RBFOX1: variants seen among roughly 807,000 people sequenced by gnomAD.
The protein encoded by RBFOX1 is RNA binding fox-1 homolog 1.
A neutral mutation model predicts 57.7 loss-of-function variants in RBFOX1; 8 were observed. That is an observed-to-expected ratio of 0.14 (90% CI 0.08 to 0.25). The LOEUF is 0.25. Among genes scored for constraint, RBFOX1 ranks in the 10% least tolerant of loss-of-function variants. The pLI, the probability that RBFOX1 is intolerant of heterozygous loss-of-function variation, is 1.00. For missense variants in RBFOX1, 611 were observed against 548.5 expected (o/e 1.11, Z -1.14); for synonymous variants, 326 against 222.4 (o/e 1.47, Z -4.15).
chr16:7,103,132 C>G (rs921474356), intron 4 of RBFOX1, among the ~76,000 whole-genome samples: 8 of 151,526 alleles, frequency 5.3e-5, no homozygotes, highest in African/African-American at 1.9e-4. Flanking sequence ...AGCTGTCGGA[C>G]CAAAGTATTA....
intron 4 of RBFOX1, among the ~76,000 whole-genome samples, chr16:7,176,223 AATT>A (rs1393447419): frequency 6.6e-6 from 1 of 150,378 alleles, no homozygotes; most frequent in African/African-American, 2.5e-5. Context: ...GATTAATAAT[AATT>A]CTTGGTTCTT....
intron 3 of RBFOX1, among the ~76,000 whole-genome samples, chr16:6,903,120 T>C (rs1299127513): frequency 6.6e-6 from 1 of 152,206 alleles, no homozygotes; most frequent in Non-Finnish European, 1.5e-5. Context: ...GACGCGATTC[T>C]GAAGCCATCA....
At position 6,229,122 on chromosome 16, in the gene RBFOX1, G is replaced by T. The variant is rs370492584; in HGVS notation, c.-126-87873G>T. Among the ~76,000 whole-genome samples the T allele has an allele frequency of 4.6e-5, 7 of 152,166 alleles. 1 individual carries two copies. Among genetic ancestry groups the T allele is most frequent in the African/African-American group, 1.7e-4 (7 of 41,522 alleles). ...GTTGTGCAGCAGTGTCATCCTCTGAGACGTAGTTAAGATAAATGACATCTC... is the reference window on the plus strand; with the variant it reads ...GTTGTGCAGCAGTGTCATCCTCTGATACGTAGTTAAGATAAATGACATCTC... On this transcript the variant is annotated intron_variant, in intron 1 of 15. Coordinates refer to ENST00000550418, the MANE Select transcript of RBFOX1 (RefSeq NM_018723.4).
At chr16:7,048,337 G>A (rs143280986) in intron 3 of RBFOX1, among the ~76,000 whole-genome samples, 1,932 of 152,144 alleles carry the variant, frequency 0.013, 42 homozygotes, top group African/African-American at 0.044. Context: ...TTGGCTCACT[G>A]CAACCTCTGC....
intron 1 of RBFOX1, among the ~76,000 whole-genome samples, chr16:5,400,315 A>G (rs1024936457): frequency 2.7e-5 from 4 of 149,542 alleles, no homozygotes; most frequent in African/African-American, 9.9e-5. Context: ...CTGGTCTGCA[A>G]CTCCTGACCT....
At chr16:6,119,232 T>C (rs1038842403) in intron 1 of RBFOX1, among the ~76,000 whole-genome samples, 2 of 151,990 alleles carry the variant, frequency 1.3e-5, no homozygotes, top group African/African-American at 4.8e-5. Context: ...TGTTATTAAT[T>C]ATTAATATTA....
rs12596596 is a variant in RBFOX1 at position 6,917,062 on chromosome 16, G to A, written c.-15-134995G>A. 6.9e-4 allele frequency among the ~76,000 whole-genome samples: 105 copies of A among 152,254 alleles called. No individual in the cohort carries two copies. The East Asian group carries it at 0.019, about 28-fold the overall frequency. ...TGGGTTTCACCATGTTGTTGGACAG[G>A]CTAGTCCTGAACTCATGATCTGAGG... is the stretch of plus-strand genomic sequence containing the variant. On this transcript the variant is annotated intron_variant, in intron 3 of 15. Transcript: ENST00000550418.
rs142626159 is a variant in RBFOX1, at chr16:6,469,541, G to A, written c.-64+152484G>A. Among the ~76,000 whole-genome samples, 882 of 152,270 alleles carry A rather than the reference G, an allele frequency of 5.8e-3. 7 individuals carry two copies. Among genetic ancestry groups the A allele is most frequent in the Admixed American group, 0.022 (338 of 15,298 alleles). ...AAACAAGACAAATACGGGGTGAGAC[G>A]AGATGCAAATGCTCGGAGGTATCTC... On this transcript the variant is annotated intron_variant, in intron 2 of 15. Coordinates refer to ENST00000550418, the MANE Select transcript of RBFOX1 (RefSeq NM_018723.4).
chr16:5,452,318 C>G (rs1046801619), intron 1 of RBFOX1, among the ~76,000 whole-genome samples: 1 of 151,738 alleles, frequency 6.6e-6, no homozygotes, highest in African/African-American at 2.4e-5. Context: ...AAGGTTTTCT[C>G]TGCTGGTTTC....
In RBFOX1 at chr16:6,409,460, G is replaced by A. The variant is rs552816494; in HGVS notation, c.-64+92403G>A. ...AAACTTTACCAAACACTTTGAAACT[G>A]GAAAACCTTAAAGTTGTTTTCCATT... is the stretch of plus-strand genomic sequence containing the variant. On this transcript the variant is annotated intron_variant, in intron 2 of 15. Transcript: ENST00000550418. Among the ~76,000 whole-genome samples, 17 of 152,154 alleles carry A rather than the reference G, an allele frequency of 1.1e-4. No individual in the cohort carries two copies. In the East Asian group the frequency reaches 3.1e-3, roughly 28 times the overall value.
intron 3 of RBFOX1, among the ~76,000 whole-genome samples, chr16:5,767,121 C>T (rs1743779737): frequency 6.6e-6 from 1 of 152,222 alleles, no homozygotes; most frequent in Admixed American, 6.5e-5. Context: ...GTGTTCCCTC[C>T]AGAGCCCCTA....
chr16:6,048,617 A>G (rs1461793332), intron 1 of RBFOX1, among the ~76,000 whole-genome samples: 2 of 152,158 alleles, frequency 1.3e-5, no homozygotes, highest in Non-Finnish European at 2.9e-5. Flanking sequence ...AGAAAATTTT[A>G]TTTCCAGCAA....
intron 4 of RBFOX1, among the ~76,000 whole-genome samples, chr16:7,124,882 A>G (rs2068096007): frequency 6.6e-6 from 1 of 152,054 alleles, no homozygotes; most frequent in Non-Finnish European, 1.5e-5. Context: ...ACAAATAAAT[A>G]TTTCACCAGC....
rs1250820864 is a variant in RBFOX1 at position 7,067,560 on chromosome 16, G to A, written c.27+15462G>A. Among the ~76,000 whole-genome samples, 4 of 150,836 alleles carry A rather than the reference G, an allele frequency of 2.7e-5. No homozygotes were observed. The East Asian group carries it at 7.9e-4, about 30-fold the overall frequency. On this transcript the variant is annotated intron_variant, in intron 4 of 15. Transcript: ENST00000550418. ...CTTTTTTTATTTTATTATATTTTAA[G>A]TTTTAGGGTACATGTGCACAATGTT...
intron 1 of RBFOX1, among the ~76,000 whole-genome samples, chr16:6,240,532 A>G (rs1024855908): frequency 1.3e-5 from 2 of 151,796 alleles, no homozygotes; most frequent in East Asian, 1.9e-4. Context: ...CTTTGGCACA[A>G]TTTTCAAACT....
At chr16:5,301,710 C>T (rs1485816985) in intron 1 of RBFOX1, among the ~76,000 whole-genome samples, 1 of 151,760 alleles carries the variant, frequency 6.6e-6, no homozygotes, top group African/African-American at 2.4e-5. Flanking sequence ...AGATAACTGC[C>T]ACCCTGGCTG....
At chr16:6,867,232 A>G (rs566348317) in intron 3 of RBFOX1, among the ~76,000 whole-genome samples, 4 of 152,248 alleles carry the variant, frequency 2.6e-5, no homozygotes, top group Non-Finnish European at 4.4e-5. Context: ...AGGGGAAAAA[A>G]AAATACTTTT....
chr16:7,429,450 C>G (rs1192449907), intron 4 of RBFOX1, among the ~76,000 whole-genome samples: 7 of 152,248 alleles, frequency 4.6e-5, no homozygotes, highest in Admixed American at 1.3e-4. Context: ...TTTATTCTCT[C>G]TGCCAGCACA....
At chr16:6,165,315 T>C (rs2096909293) in intron 1 of RBFOX1, among the ~76,000 whole-genome samples, 1 of 152,184 alleles carries the variant, frequency 6.6e-6, no homozygotes, top group South Asian at 2.1e-4. Context: ...GTTGAAAATA[T>C]TAATCTTCTG....
Sources: gnomAD v4.1 joint callset for allele counts (sites outside exome capture counted in the v4.1 genomes callset) on GRCh38, gnomAD v4.1.1 for gene constraint, MANE v1.5 for transcripts, NCBI Gene and HGNC (gene_info 2026-07-23, HGNC 2026-07-21) for gene names.